SLC25A17: variants seen among roughly 807,000 people sequenced by gnomAD.
SLC25A17 encodes peroxisomal membrane protein PMP34.
In SLC25A17, 26 loss-of-function variants were observed where a neutral mutation model predicts 38.5. That is an observed-to-expected ratio of 0.68 (90% CI 0.50 to 0.94). The LOEUF (loss-of-function observed/expected upper bound fraction) is 0.94, where lower values mean the gene tolerates loss of function less well. Among genes scored for constraint, SLC25A17 ranks in the 40% least tolerant of loss-of-function variants. The pLI is 0.00. For missense variants in SLC25A17, 333 were observed against 372.7 expected (o/e 0.89, Z 0.88); for synonymous variants, 139 against 136.2 (o/e 1.02, Z -0.14).
intron 8 of SLC25A17, 25 bp from the exon 9 acceptor site, chr22:40,771,006 ACAGAAGT>A (rs2057177397): frequency 6.6e-7 from 1 of 1,522,424 alleles, no homozygotes; most frequent in African/African-American, 1.4e-5. Context: ...GTTTGAAAAA[ACAGAAGT>A]CAGCTCCTGC....
At chr22:40,793,833 A>G (rs2057404542) in intron 3 of SLC25A17, among the ~76,000 whole-genome samples, 1 of 151,994 alleles carries the variant, frequency 6.6e-6, no homozygotes, top group Admixed American at 6.6e-5. Context: ...GCTGTCTCGA[A>G]CTCCTGACCT....
intron 1 of SLC25A17, among the ~76,000 whole-genome samples, chr22:40,815,040 C>T (rs190632605): frequency 3.2e-4 from 49 of 151,822 alleles, no homozygotes; most frequent in African/African-American, 1.0e-3. Context: ...AGGATGGTCT[C>T]GATCTCCTGA....
At chr22:40,800,367 C>T (rs535643906) in intron 1 of SLC25A17, among the ~76,000 whole-genome samples, 1 of 152,206 alleles carries the variant, frequency 6.6e-6, no homozygotes, top group South Asian at 2.1e-4. Flanking sequence ...GACTGCTGAT[C>T]TAATAATGGT....
chr22:40,788,611 A>G (rs1333265529), intron 4 of SLC25A17, among the ~76,000 whole-genome samples: 1 of 152,174 alleles, frequency 6.6e-6, no homozygotes, highest in Non-Finnish European at 1.5e-5. Flanking sequence ...GAATCACTTG[A>G]ACCTGGGAGG....
intron 4 of SLC25A17, among the ~76,000 whole-genome samples, chr22:40,781,049 TG>T (rs1422460133): frequency 6.6e-6 from 1 of 151,922 alleles, no homozygotes; most frequent in African/African-American, 2.4e-5. Flanking sequence ...CACACTCCTG[TG>T]GTTCCAGCTA....
At chr22:40,774,382 C>T (rs1035276768) in intron 7 of SLC25A17, among the ~76,000 whole-genome samples, 2 of 152,130 alleles carry the variant, frequency 1.3e-5, no homozygotes, top group Non-Finnish European at 2.9e-5. Context: ...TACCACCACG[C>T]CCGGCTAATT....
chr22:40,795,049 G>C (rs773140245), intron 2 of SLC25A17, among the ~76,000 whole-genome samples: 2 of 150,148 alleles, frequency 1.3e-5, no homozygotes, highest in South Asian at 4.2e-4. Context: ...CACCATACCC[G>C]GCCCGTGTAT....
At position 40,799,078 on chromosome 22, in the gene SLC25A17, G is replaced by A. The variant is rs117487309; in HGVS notation, c.60C>T (p.Ser20=). 0.034 allele frequency: 54,824 copies of A among 1,612,108 alleles called. 6,312 individuals carry two copies. In the Admixed American group the frequency reaches 0.4, roughly 12 times the overall value. ...LVHAVAGAVG[S]VTAMTVFFPL... ...GAAAAAACACTGTCATTGCTGTCACGCTTCCCTGAAAAGTTTGAAAAAGGC... is the reference window on the plus strand; with the variant it reads ...GAAAAAACACTGTCATTGCTGTCACACTTCCCTGAAAAGTTTGAAAAAGGC... The change falls in exon 2 of 9, where the codon AGC becomes AGT. Residue 20 remains serine, a synonymous_variant. Coordinates refer to ENST00000435456, the MANE Select transcript of SLC25A17 (RefSeq NM_006358.4).
Position 40,777,059 on chromosome 22 carries a change from G to A in SLC25A17, c.674C>T (p.Thr225Met), listed in dbSNP as rs564359013. 2.2e-5 allele frequency: 36 copies of A among 1,614,010 alleles called. No homozygotes were observed. Among genetic ancestry groups the A allele is most frequent in the Admixed American group, 1.5e-4 (9 of 60,020 alleles). ...IATTVTYPLQTVQSILRFGRH... is the reference protein window; with the variant it reads ...IATTVTYPLQMVQSILRFGRH... ...ACTCACCCTCAGAATTGACTGTACC[G>A]TCTGCAGGGGATAGGTCACCGTGGT... Residue 225 changes from threonine (T) to methionine (M), a missense_variant, in exon 7 of 9, where the codon ACG becomes ATG. Physicochemically the swap from Thr to Met is moderately conservative, Grantham distance 81. Transcript: ENST00000435456.
intron 8 of SLC25A17, among the ~76,000 whole-genome samples, chr22:40,771,343 C>T (rs576156979): frequency 6.6e-6 from 1 of 152,286 alleles, no homozygotes; most frequent in African/African-American, 2.4e-5. Flanking sequence ...ATCCCCTGAC[C>T]TCGTGATCTG....
intron 1 of SLC25A17, among the ~76,000 whole-genome samples, chr22:40,815,041 G>A (rs959620210): frequency 2.6e-5 from 4 of 151,932 alleles, no homozygotes; most frequent in South Asian, 4.1e-4. Context: ...GGATGGTCTC[G>A]ATCTCCTGAC....
chr22:40,806,059 G>C (rs2057527219), intron 1 of SLC25A17, among the ~76,000 whole-genome samples: 1 of 152,166 alleles, frequency 6.6e-6, no homozygotes, highest in African/African-American at 2.4e-5. Context: ...AGGTGACTTG[G>C]AGCACCCAGC....
chr22:40,788,075 A>G (rs1194150479), intron 4 of SLC25A17, among the ~76,000 whole-genome samples: 1 of 152,128 alleles, frequency 6.6e-6, no homozygotes, highest in African/African-American at 2.4e-5. Flanking sequence ...TTACTTTTAT[A>G]AGCCTTCTCT....
intron 1 of SLC25A17, among the ~76,000 whole-genome samples, chr22:40,802,767 G>A (rs2057494355): frequency 6.6e-6 from 1 of 152,166 alleles, no homozygotes; most frequent in Non-Finnish European, 1.5e-5. Context: ...CTACTCCAAT[G>A]ATTAATAATG....
Position 40,806,664 on chromosome 22 carries a change from G to C in SLC25A17, c.55-7581C>G, listed in dbSNP as rs5995949. On this transcript the variant is annotated intron_variant, in intron 1 of 8. Transcript: ENST00000435456. ...ATATATTCATAATATTATTCAACCA[G>C]TACCAAAGTTCCAAAATATTTTCAT... Among the ~76,000 whole-genome samples, 545 of 152,008 alleles carry C rather than the reference G, an allele frequency of 3.6e-3. 5 individuals carry two copies. The highest frequency in any genetic ancestry group is 0.013 in the African/African-American group (524 of 41,436).
chr22:40,816,604 T>G (rs893109400), intron 1 of SLC25A17, among the ~76,000 whole-genome samples: 54 of 129,004 alleles, frequency 4.2e-4, no homozygotes, highest in Non-Finnish European at 7.9e-4. Flanking sequence ...CATTTATTTT[T>G]TATTGTTTTT....
chr22:40,796,511 T>C (rs1462002580), intron 2 of SLC25A17, among the ~76,000 whole-genome samples: 2 of 151,310 alleles, frequency 1.3e-5, no homozygotes, highest in African/African-American at 4.9e-5. Flanking sequence ...TGGTGGCACA[T>C]GCCTGTAATC....
At chr22:40,776,078 C>A (rs765975965) in intron 7 of SLC25A17, 1 of 268,878 alleles carries the variant, frequency 3.7e-6, no homozygotes, top group Non-Finnish European at 7.3e-6. Flanking sequence ...CAAAGAAGCC[C>A]ACCTCCAATC....
chr22:40,773,521 CCATCATCATTATCAT>C (rs1400405663), intron 8 of SLC25A17, among the ~76,000 whole-genome samples: 1 of 152,122 alleles, frequency 6.6e-6, no homozygotes, highest in East Asian at 1.9e-4. Context: ...ACCAACACCA[CCATCATCATTATCAT>C]CATCATCATC....
Sources: allele counts gnomAD v4.1 joint callset (sites outside exome capture counted in the v4.1 genomes callset), GRCh38; gene constraint gnomAD v4.1.1; transcripts MANE v1.5; gene names NCBI Gene and HGNC (gene_info 2026-07-23, HGNC 2026-07-21).